The following RAP1GAP variants were observed in gnomAD, a reference collection of about 807,000 sequenced individuals.
The protein encoded by RAP1GAP is rap1 GTPase-activating protein 1.
A neutral mutation model predicts 87.2 loss-of-function variants in RAP1GAP; 35 were observed. The observed-to-expected ratio is 0.40, with a 90% CI of 0.31 to 0.53. The LOEUF (loss-of-function observed/expected upper bound fraction) is 0.53. Ranked by LOEUF, RAP1GAP falls within the 20% of genes least tolerant of loss-of-function variation. The pLI is 0.48. For missense variants in RAP1GAP, 734 were observed against 898.9 expected (o/e 0.82, Z 2.35); for synonymous variants, 375 against 363.9 (o/e 1.03, Z -0.35).
intron 1 of RAP1GAP, among the ~76,000 whole-genome samples, chr1:21,661,979 C>G (rs1324016115): frequency 6.6e-6 from 1 of 152,216 alleles, no homozygotes; most frequent in African/African-American, 2.4e-5. Context: ...CCAGACCACG[C>G]CACTGAAGGG....
rs2097494231 is a variant in RAP1GAP at position 21,669,096 on chromosome 1, C to T, written c.-149+158G>A. ...CCGGGCTGCGCGAGCCCAGCTGCGC[C>T]CACCCCTCGCCCCTGGAGACCCGGG... On this transcript the variant is annotated intron_variant, in intron 1 of 24. Coordinates refer to ENST00000374765, the MANE Select transcript of RAP1GAP (RefSeq NM_002885.4). The surrounding 1 kb of genome is among the most constrained non-coding windows in gnomAD (Gnocchi z 5.6). Among the ~76,000 whole-genome samples, 1 of 151,932 alleles carries T rather than the reference C, an allele frequency of 6.6e-6. No individual in the cohort carries two copies. The highest frequency in any genetic ancestry group is 2.4e-5 in the African/African-American group (1 of 41,414).
intron 2 of RAP1GAP, among the ~76,000 whole-genome samples, chr1:21,630,337 AAGCTCACTGC>A (rs2093478784): frequency 6.6e-6 from 1 of 151,148 alleles, no homozygotes; most frequent in Admixed American, 6.6e-5. Context: ...GGCGTGATCA[AAGCTCACTGC>A]AGCCTTAAAC....
intron 2 of RAP1GAP, among the ~76,000 whole-genome samples, chr1:21,636,806 T>C (rs2094749089): frequency 6.8e-6 from 1 of 146,952 alleles, no homozygotes; most frequent in Non-Finnish European, 1.5e-5. Flanking sequence ...AAATTCCATC[T>C]CAAATAGAAA....
chr1:21,614,609 G>A, intron 7 of RAP1GAP, among the ~76,000 whole-genome samples: 1 of 152,234 alleles, frequency 6.6e-6, no homozygotes, highest in Non-Finnish European at 1.5e-5. Flanking sequence ...AACACACAGG[G>A]TGGCTGGCCA....
Position 21,622,342 on chromosome 1 carries a change from C to A in RAP1GAP, c.-18-2292G>T. 2 of 477,094 alleles carry A rather than the reference C, an allele frequency of 4.2e-6. No homozygotes were observed. The highest frequency in any genetic ancestry group is 3.3e-5 in the South Asian group (1 of 30,086). 29.6% of individuals were successfully genotyped at this position (477,094 alleles called of 1,614,324 possible). A position where few individuals can be genotyped will look rare whatever the true frequency, so the allele number is the denominator to read the frequency against. ...GCCGCCCCGCCCGGGTCCTCACCTG[C>A]CAGCTGGCCCCCGCGGGCAGCGAGC... On this transcript the variant is annotated intron_variant, in intron 3 of 24. Coordinates refer to ENST00000374765, the MANE Select transcript of RAP1GAP (RefSeq NM_002885.4). This position sits in a 1 kb window ranked among gnomAD's most constrained non-coding sequence, Gnocchi z 5.7.
In RAP1GAP at chr1:21,626,290, AG is replaced by A; in HGVS notation, c.-19+13del. ...GGCAGACCAGGGGCCGTAGGTATGG[AG>A]GGGGACACTTACCTTAGGGTAGAGT... On this transcript the variant is annotated intron_variant, in intron 3 of 24. Coordinates refer to ENST00000374765, the MANE Select transcript of RAP1GAP (RefSeq NM_002885.4). The A allele has an allele frequency of 6.3e-7, 1 of 1,580,560 alleles. No individual in the cohort carries two copies. The highest frequency in any genetic ancestry group is 8.7e-7 in the Non-Finnish European group (1 of 1,149,650).
intron 10 of RAP1GAP, 29 bp from the exon 11 acceptor site, chr1:21,612,138 C>A: frequency 6.6e-7 from 1 of 1,505,288 alleles, no homozygotes; most frequent in Non-Finnish European, 9.1e-7. Flanking sequence ...GGTGAAGAGG[C>A]TGCGTGTGCA....
At chr1:21,656,984 A>C (rs2096891829) in intron 1 of RAP1GAP, among the ~76,000 whole-genome samples, 1 of 152,164 alleles carries the variant, frequency 6.6e-6, no homozygotes, top group Non-Finnish European at 1.5e-5. Flanking sequence ...TTGAGCACCC[A>C]CTGTGTGGCT....
At chr1:21,611,965 G>C in intron 11 of RAP1GAP, 61 bp downstream of exon 11, 2 of 1,485,696 alleles carry the variant, frequency 1.3e-6, no homozygotes, top group Non-Finnish European at 1.8e-6. Context: ...CCCTGGAAAA[G>C]GTGTGAGGCT....
At position 21,642,500 on chromosome 1, in the gene RAP1GAP, C is replaced by T. The variant is rs931456751; in HGVS notation, c.-113+7261G>A. Among the ~76,000 whole-genome samples the T allele has an allele frequency of 2.6e-4, 39 of 152,316 alleles. 1 individual carries two copies. Among genetic ancestry groups the T allele is most frequent in the Admixed American group, 2.1e-3 (32 of 15,306 alleles). ...CAGCTGGTGGCCGAGACAGCATCTG[C>T]GGTCCCAGCCCAGACTCTGGCTCCA... On this transcript the variant is annotated intron_variant, in intron 2 of 24. Coordinates refer to ENST00000374765, the MANE Select transcript of RAP1GAP (RefSeq NM_002885.4).
chr1:21,612,241 A>G (rs1570661893), intron 10 of RAP1GAP, 132 bp from the exon 11 acceptor site: 1 of 732,020 alleles, frequency 1.4e-6, no homozygotes, highest in Non-Finnish European at 2.4e-6. Context: ...CAAGCCTGGG[A>G]GGGAGACAGT....
At chr1:21,621,804 C>T (rs867985057) in intron 3 of RAP1GAP, among the ~76,000 whole-genome samples, 2 of 151,652 alleles carry the variant, frequency 1.3e-5, no homozygotes, top group Non-Finnish European at 2.9e-5. Context: ...GGTGACCAAA[C>T]GTAGCCAGGA....
intron 3 of RAP1GAP, among the ~76,000 whole-genome samples, chr1:21,625,356 G>A (rs939465116): frequency 1.2e-4 from 19 of 152,178 alleles, no homozygotes; most frequent in African/African-American, 4.3e-4. Context: ...TACTACCCAA[G>A]GTTTACTAAA....
Position 21,652,533 on chromosome 1 carries a change from C to T in RAP1GAP, c.-148-2737G>A, listed in dbSNP as rs146373615. Among the ~76,000 whole-genome samples, 981 of 152,192 alleles carry T rather than the reference C, an allele frequency of 6.4e-3. 6 individuals carry two copies. Among genetic ancestry groups the T allele is most frequent in the Middle Eastern group, 0.027 (8 of 294 alleles). Reference sequence around the variant, plus strand: ...CTGTCTCCCCTTCTCCCAGGAGTCCCCTTCCCCTTTGCCCTGGTGAGGAGG... The same window carrying T: ...CTGTCTCCCCTTCTCCCAGGAGTCCTCTTCCCCTTTGCCCTGGTGAGGAGG... On this transcript the variant is annotated intron_variant, in intron 1 of 24. Transcript: ENST00000374765.
chr1:21,640,611 G>A (rs2095427462), intron 2 of RAP1GAP, among the ~76,000 whole-genome samples: 1 of 152,224 alleles, frequency 6.6e-6, no homozygotes, highest in African/African-American at 2.4e-5. Flanking sequence ...GAAAGGCCAA[G>A]GCAACCTGGG....
intron 2 of RAP1GAP, among the ~76,000 whole-genome samples, chr1:21,640,801 C>G (rs1051006525): frequency 2.0e-5 from 3 of 152,194 alleles, no homozygotes; most frequent in Non-Finnish European, 4.4e-5. Flanking sequence ...TGGAGCCCAG[C>G]CTCCTGCCTG....
intron 1 of RAP1GAP, among the ~76,000 whole-genome samples, chr1:21,658,258 T>C (rs2096942298): frequency 6.6e-6 from 1 of 152,188 alleles, no homozygotes; most frequent in Non-Finnish European, 1.5e-5. Flanking sequence ...TACAGCGACA[T>C]GACTTTCTGC....
At chr1:21,604,094 G>A (rs184169163) in intron 18 of RAP1GAP, among the ~76,000 whole-genome samples, 5 of 152,156 alleles carry the variant, frequency 3.3e-5, no homozygotes, top group East Asian at 3.9e-4. Context: ...AAAGGAAGGC[G>A]AGAAGCACAA....
rs139866910 is a variant in RAP1GAP, at chr1:21,656,112, C to G, written c.-148-6316G>C. Reference sequence around the variant, plus strand: ...GGCCTCAGTTTGCTCATATGTTAAACCCCTATTCTCACTTTGCTGGGTTAA... The same window carrying G: ...GGCCTCAGTTTGCTCATATGTTAAAGCCCTATTCTCACTTTGCTGGGTTAA... On this transcript the variant is annotated intron_variant, in intron 1 of 24. Coordinates refer to ENST00000374765, the MANE Select transcript of RAP1GAP (RefSeq NM_002885.4). 2.8e-4 allele frequency among the ~76,000 whole-genome samples: 43 copies of G among 152,338 alleles called. 1 individual carries two copies. Among genetic ancestry groups the G allele is most frequent in the African/African-American group, 7.9e-4 (33 of 41,568 alleles).
Sources: gnomAD v4.1 joint callset for allele counts (sites outside exome capture counted in the v4.1 genomes callset) on GRCh38, gnomAD v4.1.1 for gene constraint, Gnocchi (gnomAD v3.1) non-coding constraint, MANE v1.5 for transcripts, NCBI Gene and HGNC (gene_info 2026-07-23, HGNC 2026-07-21) for gene names.